N4BP2: variants seen among roughly 807,000 people sequenced by gnomAD.
The protein encoded by N4BP2 is NEDD4-binding protein 2.
In N4BP2, 91 loss-of-function variants were observed where a neutral mutation model predicts 152.8. The observed-to-expected ratio is 0.60, with a 90% CI of 0.50 to 0.71. The LOEUF is 0.71. Among genes scored for constraint, N4BP2 ranks in the 30% least tolerant of loss-of-function variants. The pLI, the probability that N4BP2 is intolerant of heterozygous loss-of-function variation, is 0.00. For synonymous variants in N4BP2, 646 were observed against 705.3 expected, an observed-to-expected ratio of 0.92 and a Z score of 1.33; for missense variants, 1,923 against 2,059.1, an observed-to-expected ratio of 0.93 and a Z score of 1.28.
rs773346400 is a variant in N4BP2, at chr4:40,102,809, G to T, written c.964G>T (p.Glu322Ter). 6.2e-7 allele frequency: 1 copy of T among 1,614,092 alleles called. No homozygotes were observed. Reference protein sequence around the residue: ...TRVSDVFLPSEGFNFKPHKHP... With the variant: ...TRVSDVFLPS ...GGTCTCTGATGTGTTTCTACCTTCC[G>T]AAGGGTTCAACTTCAAGCCACACAA... is the stretch of plus-strand genomic sequence containing the variant. The change falls in exon 4 of 18, where the codon GAA (glutamate) becomes TAA (stop). Residue 322 changes from glutamate to a stop codon, truncating the protein, a stop_gained. Transcript: ENST00000261435. LOFTEE classifies it high-confidence loss of function.
intron 15 of N4BP2, 49 bp downstream of exon 15, chr4:40,142,910 A>G (rs1289854986): frequency 1.3e-6 from 2 of 1,499,914 alleles, no homozygotes; most frequent in Admixed American, 1.7e-5. Context: ...TAATAACTAA[A>G]TACTCTTGAA....
chr4:40,166,368 T>C, the N4BP2 span, among the ~76,000 whole-genome samples: 1 of 152,130 alleles, frequency 6.6e-6, no homozygotes, highest in Non-Finnish European at 1.5e-5. Context: ...TAAAACTATA[T>C]ATATTACTAT....
Position 40,122,169 on chromosome 4 carries a change from G to T in N4BP2, c.4058G>T (p.Ser1353Ile). 1 of 1,613,756 alleles carries T rather than the reference G, an allele frequency of 6.2e-7. No individual in the cohort carries two copies. Among genetic ancestry groups the T allele is most frequent in the Non-Finnish European group, 8.5e-7 (1 of 1,179,742 alleles). Residue 1353 changes from serine to isoleucine, a missense_variant, in exon 9 of 18, where the codon AGT (serine) becomes ATT (isoleucine). Ser to Ile is a moderately radical substitution (Grantham distance 142). Coordinates refer to ENST00000261435, the MANE Select transcript of N4BP2 (RefSeq NM_018177.6). The part of the protein sequence containing the change: ...MAGSSLSAGV[S>I]GEDKTEILNP... ...GGAAGTAGTTTATCAGCTGGAGTTA[G>T]TGGGGAAGATAAAACCGAGATATTG... is the stretch of plus-strand genomic sequence containing the variant.
chr4:40,134,965 T>C (rs1204145261), intron 13 of N4BP2, among the ~76,000 whole-genome samples: 1 of 151,024 alleles, frequency 6.6e-6, no homozygotes, highest in South Asian at 2.1e-4. Context: ...TTTATTATTA[T>C]ACTTTAAGTT....
At chr4:40,166,891 GTTTAT>G in the N4BP2 span, 53 of 152,182 alleles carry the variant, frequency 3.5e-4, no homozygotes, top group African/African-American at 9.9e-4. Flanking sequence ...CAATTCAGTT[GTTTAT>G]TTTAAAATGT....
In N4BP2 at chr4:40,080,800, G is replaced by A. The variant is rs139003131; in HGVS notation, c.-115+7249G>A. ...AGCCTCCCACGTAGCTGGGACTACAGGCGCCTGCCACCACGCCTGGCTAAT... is the reference window on the plus strand; with the variant it reads ...AGCCTCCCACGTAGCTGGGACTACAAGCGCCTGCCACCACGCCTGGCTAAT... On this transcript the variant is annotated intron_variant, in intron 2 of 17. Coordinates refer to ENST00000261435, the MANE Select transcript of N4BP2 (RefSeq NM_018177.6). 2.3e-3 allele frequency among the ~76,000 whole-genome samples: 347 copies of A among 150,750 alleles called. 3 individuals carry two copies. Among genetic ancestry groups the A allele is most frequent in the Non-Finnish European group, 3.9e-3 (264 of 67,838 alleles).
intron 7 of N4BP2, among the ~76,000 whole-genome samples, chr4:40,116,649 A>G (rs796985688): frequency 5.9e-5 from 9 of 152,204 alleles, no homozygotes; most frequent in African/African-American, 2.2e-4. Context: ...ATTTTCACTT[A>G]TTCATCTAGT....
intron 2 of N4BP2, among the ~76,000 whole-genome samples, chr4:40,091,270 T>C (rs961202689): frequency 5.3e-5 from 8 of 152,118 alleles, no homozygotes; most frequent in African/African-American, 1.9e-4. Context: ...TTTTCTCTTA[T>C]TTCATGAGCT....
At chr4:40,090,199 C>G (rs1714392068) in intron 2 of N4BP2, among the ~76,000 whole-genome samples, 1 of 152,172 alleles carries the variant, frequency 6.6e-6, no homozygotes, top group African/African-American at 2.4e-5. Flanking sequence ...CATACAGAAA[C>G]CCTTGAAATC....
intron 12 of N4BP2, 45 bp from the exon 13 acceptor site, chr4:40,131,756 A>G (rs1287093460): frequency 1.4e-6 from 2 of 1,394,838 alleles, no homozygotes; most frequent in South Asian, 1.2e-5. Context: ...TGTTTCTAGT[A>G]TTACACATTT....
intron 2 of N4BP2, among the ~76,000 whole-genome samples, chr4:40,081,907 G>A (rs1463869659): frequency 6.6e-6 from 1 of 151,966 alleles, no homozygotes; most frequent in Non-Finnish European, 1.5e-5. Flanking sequence ...GAGATCAGGT[G>A]TTTGAGACCA....
chr4:40,056,884 C>A lies in N4BP2; in HGVS notation c.-358C>A, dbSNP rs967909701. ...CCGCCGGGCGCGCTCGCCGTGTCTC[C>A]CCCGCGGCCGCAGCTGCTTGCTAGC... On this transcript the variant is annotated 5_prime_UTR_variant, in exon 1 of 18. Transcript: ENST00000261435. 1.3e-5 allele frequency: 2 copies of A among 152,048 alleles called. No homozygotes were observed. Among genetic ancestry groups the A allele is most frequent in the African/African-American group, 4.8e-5 (2 of 41,422 alleles). The allele number at this position is 152,048 out of a possible 1,614,324, so 9.4% of individuals were successfully genotyped here. A position where few individuals can be genotyped will look rare whatever the true frequency, so the allele number is the denominator to read the frequency against.
At chr4:40,129,594 C>T (rs1250908637) in intron 12 of N4BP2, among the ~76,000 whole-genome samples, 1 of 152,014 alleles carries the variant, frequency 6.6e-6, no homozygotes, top group African/African-American at 2.4e-5. Context: ...AGGATACCCA[C>T]CTTTACCTTC....
chr4:40,096,045 T>C (rs1715077617), intron 2 of N4BP2, among the ~76,000 whole-genome samples: 2 of 152,118 alleles, frequency 1.3e-5, no homozygotes, highest in Admixed American at 1.3e-4. Context: ...TTTTGGGAAA[T>C]ATATTAGACA....
At chr4:40,158,523 C>T (rs148865166), downstream of N4BP2, among the ~76,000 whole-genome samples, 208 of 152,212 alleles carry the variant, frequency 1.4e-3, no homozygotes, top group Non-Finnish European at 1.4e-3. Context: ...AGAGGCCAGA[C>T]GCGGTGGCTT....
intron 1 of N4BP2, among the ~76,000 whole-genome samples, chr4:40,067,001 CTT>C (rs1711583565): frequency 6.6e-6 from 1 of 150,862 alleles, no homozygotes; most frequent in Admixed American, 6.6e-5. Context: ...GCTTATTTCA[CTT>C]AGCATAATGT....
chr4:40,174,174 C>T, the N4BP2 span, among the ~76,000 whole-genome samples: 4 of 150,874 alleles, frequency 2.7e-5, no homozygotes, highest in South Asian at 6.3e-4. Flanking sequence ...TCTAGGAGTT[C>T]GAGACCAGCC....
intron 4 of N4BP2, among the ~76,000 whole-genome samples, chr4:40,104,455 T>C (rs929897294): frequency 3.0e-4 from 46 of 152,008 alleles, no homozygotes; most frequent in African/African-American, 1.1e-3. Flanking sequence ...TCTCTGCTAG[T>C]AAATTTCCAC....
At chr4:40,176,307 CAT>C in the N4BP2 span, among the ~76,000 whole-genome samples, 1 of 152,114 alleles carries the variant, frequency 6.6e-6, no homozygotes, top group African/African-American at 2.4e-5. Context: ...TAGTTACAAA[CAT>C]ATAATAATAA....
Sources: allele counts gnomAD v4.1 joint callset (sites outside exome capture counted in the v4.1 genomes callset), GRCh38; gene constraint gnomAD v4.1.1; transcripts MANE v1.5; gene names NCBI Gene and HGNC (gene_info 2026-07-23, HGNC 2026-07-21).